HYDIN: variants seen among roughly 807,000 people sequenced by gnomAD.
The protein encoded by HYDIN is axonemal central pair apparatus protein HYDIN.
Under a neutral mutation model 403.9 loss-of-function variants are expected in HYDIN, and 132 were observed. The observed-to-expected ratio is 0.33, with a 90% CI of 0.28 to 0.38. HYDIN has a LOEUF of 0.38. Among genes scored for constraint, HYDIN ranks in the 10% least tolerant of loss-of-function variants. The pLI, the probability that HYDIN is intolerant of heterozygous loss-of-function variation, is 1.00. For missense variants in HYDIN, 2,827 were observed against 5,009.5 expected, an observed-to-expected ratio of 0.56 and a Z score of 13.15; for synonymous variants, 1,202 against 1,891.7, an observed-to-expected ratio of 0.64 and a Z score of 9.46.
At chr16:71,083,421 T>C (rs535639584) in intron 12 of HYDIN, among the ~76,000 whole-genome samples, 1 of 141,068 alleles carries the variant, frequency 7.1e-6, no homozygotes, top group East Asian at 2.1e-4. Context: ...TTTGTGTGGA[T>C]ATATGCTTTC....
chr16:70,999,232 T>C (rs1433417692), intron 23 of HYDIN, among the ~76,000 whole-genome samples: 5 of 152,096 alleles, frequency 3.3e-5, no homozygotes, highest in Admixed American at 6.5e-5. Context: ...ATCCCAACCA[T>C]AGAGATTCTG....
At chr16:70,848,057 A>G (rs1170024204) in intron 75 of HYDIN, among the ~76,000 whole-genome samples, 1 of 141,546 alleles carries the variant, frequency 7.1e-6, no homozygotes, top group Non-Finnish European at 1.5e-5. Flanking sequence ...CTTTTCAACA[A>G]TTTTATCCCA....
rs556759294 is a variant in HYDIN at position 70,844,927 on chromosome 16, A to T, written c.12874-4694T>A. ...CTTTGCTGAAGTTGCTTATCAGCTTAAGGAGATTTTGGGCTGAGACGATGG... is the reference window on the plus strand; with the variant it reads ...CTTTGCTGAAGTTGCTTATCAGCTTTAGGAGATTTTGGGCTGAGACGATGG... On this transcript the variant is annotated intron_variant, in intron 75 of 85. Coordinates refer to ENST00000393567, the MANE Select transcript of HYDIN (RefSeq NM_001270974.2). Among the ~76,000 whole-genome samples, 41 of 146,538 alleles carry T rather than the reference A, an allele frequency of 2.8e-4. No individual in the cohort carries two copies. In the South Asian group the frequency reaches 8.7e-3, roughly 31 times the overall value.
intron 73 of HYDIN, chr16:70,852,762 T>A (rs964030754): frequency 1.2e-4 from 19 of 152,406 alleles, no homozygotes; most frequent in African/African-American, 4.3e-4. Flanking sequence ...CCCTCAGGCC[T>A]GACAACACAC....
At chr16:70,902,821 A>ATCTATATTTTTT in intron 52 of HYDIN, among the ~76,000 whole-genome samples, 1 of 47,318 alleles carries the variant, frequency 2.1e-5, no homozygotes, top group African/African-American at 1.2e-4. Context: ...ATATATATAT[A>ATCTATATTTTTT]TTTTTTTTTT....
chr16:70,807,923 A>T lies in HYDIN; in HGVS notation c.15023T>A (p.Leu5008His). The T allele has an allele frequency of 6.2e-7, 1 of 1,614,172 alleles. No homozygotes were observed. Among genetic ancestry groups the T allele is most frequent in the South Asian group, 1.1e-5 (1 of 91,078 alleles). Residue 5008 changes from leucine (L) to histidine (H), a missense_variant, in exon 86 of 86, where the codon CTC (leucine) becomes CAC (histidine). By Grantham distance (99) the Leu-to-His change is moderately conservative. Transcript: ENST00000393567. ...GGGGATGATATACTCTCCACCTGCG[A>T]GCGATGATAGGATCAGGATGCCCTT... ...ETKGILILSSLAGGEYIIPLF... is the reference protein window; with the variant it reads ...ETKGILILSSHAGGEYIIPLF...
At chr16:71,125,993 T>A (rs1341442989) in intron 9 of HYDIN, among the ~76,000 whole-genome samples, 1 of 151,682 alleles carries the variant, frequency 6.6e-6, no homozygotes, top group East Asian at 2.0e-4. Context: ...CAGTGGATGC[T>A]CTGTGGAGGG....
intron 58 of HYDIN, among the ~76,000 whole-genome samples, chr16:70,884,835 T>A (rs1348274825): frequency 1.3e-5 from 2 of 152,224 alleles, no homozygotes; most frequent in Non-Finnish European, 2.9e-5. Context: ...TGGCCTGAGA[T>A]AAGGGAAGGG....
rs1289933264 is a variant in HYDIN, at chr16:71,129,793, C to A, written c.1074G>T (p.Lys358Asn). Reference sequence around the variant, plus strand: ...CTTCAAAAAACTCATCAGTCTCATCCTTCTCCTCTTTGATCAGATCATCAC... The same window carrying A: ...CTTCAAAAAACTCATCAGTCTCATCATTCTCCTCTTTGATCAGATCATCAC... ...RACDDLIKEE[K>N]DETDEFFEEC... is the part of the protein sequence containing the mutation. The change falls in exon 9 of 86, where the codon AAG (lysine) becomes AAT (asparagine). Residue 358 changes from lysine (K) to asparagine (N), a missense_variant. By Grantham distance (94) the Lys-to-Asn change is moderately conservative. Transcript: ENST00000393567. 3 of 1,612,286 alleles carry A rather than the reference C, an allele frequency of 1.9e-6. No individual in the cohort carries two copies. In the African/African-American group the frequency reaches 4.0e-5, roughly 22 times the overall value.
intron 1 of HYDIN, among the ~76,000 whole-genome samples, chr16:71,226,280 T>C (rs1040053631): frequency 2.0e-5 from 3 of 152,194 alleles, no homozygotes; most frequent in South Asian, 4.1e-4. Context: ...ATCAGAAACA[T>C]GTATTCACAC....
intron 19 of HYDIN, among the ~76,000 whole-genome samples, chr16:71,029,932 GA>G (rs1393962972): frequency 3.3e-5 from 5 of 152,126 alleles, no homozygotes; most frequent in African/African-American, 1.2e-4. Flanking sequence ...TACTGCAACA[GA>G]TAAGTTCAAA....
chr16:71,027,527 A>G (rs1190116492), intron 20 of HYDIN, 75 bp downstream of exon 20: 1 of 1,560,262 alleles, frequency 6.4e-7, no homozygotes, highest in African/African-American at 1.4e-5. Flanking sequence ...ATGTCAAGGG[A>G]CTTTCCTAAG....
In HYDIN at chr16:70,860,788, T is replaced by C. The variant is rs1415680161; in HGVS notation, c.11891A>G (p.Gln3964Arg). ...LKDSDYISGH[Q>R]RNPELRGSSG... Reference sequence around the variant, plus strand: ...GGACCCTCGGAGCTCTGGGTTGCGCTGATGGCCACTTATGTAGTCCGAGTC... The same window carrying C: ...GGACCCTCGGAGCTCTGGGTTGCGCCGATGGCCACTTATGTAGTCCGAGTC... The change falls in exon 70 of 86, where the codon CAG (glutamine) becomes CGG (arginine). Residue 3964 changes from glutamine (Q) to arginine (R), a missense_variant. Transcript: ENST00000393567. 1 of 618,634 alleles carries C rather than the reference T, an allele frequency of 1.6e-6. No individual in the cohort carries two copies. The highest frequency in any genetic ancestry group is 2.8e-5 in the East Asian group (1 of 35,976). The allele number at this position is 618,634 out of a possible 1,614,324, so 38.3% of individuals were successfully genotyped here.
At chr16:70,836,090 T>G (rs1408832650) in intron 77 of HYDIN, among the ~76,000 whole-genome samples, 1 of 152,110 alleles carries the variant, frequency 6.6e-6, no homozygotes, top group Non-Finnish European at 1.5e-5. Context: ...GAGAGCATAT[T>G]ACATGGGGCT....
intron 18 of HYDIN, among the ~76,000 whole-genome samples, chr16:71,059,321 G>A (rs1351081779): frequency 6.6e-6 from 1 of 151,874 alleles, no homozygotes; most frequent in Non-Finnish European, 1.5e-5. Flanking sequence ...TTTGCATATG[G>A]TGTGAGGAAG....
At chr16:70,944,060 A>C in intron 41 of HYDIN, 111 bp from the exon 42 acceptor site, 3 of 785,788 alleles carry the variant, frequency 3.8e-6, no homozygotes, top group Non-Finnish European at 6.3e-6. Context: ...TCATTTCCTC[A>C]TCTGTACAAT....
At position 70,860,710 on chromosome 16, in the gene HYDIN, C is replaced by T; in HGVS notation, c.11969G>A (p.Gly3990Asp). The T allele has an allele frequency of 1.8e-6, 1 of 547,142 alleles. No individual in the cohort carries two copies. Among genetic ancestry groups the T allele is most frequent in the South Asian group, 2.1e-5 (1 of 47,844 alleles). The allele number at this position is 547,142 out of a possible 1,614,324, so 33.9% of individuals were successfully genotyped here. A position where few individuals can be genotyped will look rare whatever the true frequency, so the allele number is the denominator to read the frequency against. ...NTRVIEFTTV[G>D]IGGKNLRTFT... The stretch of plus-strand genomic sequence containing the variant: ...TCACCGGAGATTCTTCCCTCCTATG[C>T]CCACAGTGGTGAACTCAATCACCCG... The change falls in exon 70 of 86, where the codon GGC (glycine) becomes GAC (aspartate). Residue 3990 changes from glycine to aspartate, a missense_variant. By Grantham distance (94) the Gly-to-Asp change is moderately conservative. Transcript: ENST00000393567.
intron 42 of HYDIN, among the ~76,000 whole-genome samples, chr16:70,943,026 T>C (rs1476606915): frequency 6.6e-6 from 1 of 152,172 alleles, no homozygotes. Flanking sequence ...TCTGGGAACG[T>C]CAAGTTAATT....
chr16:70,901,390 T>C (rs1597267947), intron 52 of HYDIN, among the ~76,000 whole-genome samples, 188 bp from the exon 53 acceptor site: 1 of 151,622 alleles, frequency 6.6e-6, no homozygotes, highest in East Asian at 1.9e-4. Context: ...CCAATAGTTA[T>C]TTTTTCTCCT....
Sources: allele counts gnomAD v4.1 joint callset (sites outside exome capture counted in the v4.1 genomes callset), GRCh38; gene constraint gnomAD v4.1.1; transcripts MANE v1.5; gene names NCBI Gene and HGNC (gene_info 2026-07-23, HGNC 2026-07-21).